Variants in GPHN observed in about 807,000 individuals in gnomAD.
GPHN encodes gephyrin.
GPHN carries 17 observed loss-of-function variants against 95.5 expected under a neutral mutation model. The observed-to-expected ratio is 0.18, with a 90% CI of 0.12 to 0.27. The LOEUF is 0.27. Ranked by LOEUF, GPHN falls within the 10% of genes least tolerant of loss-of-function variation. The pLI is 1.00. For synonymous variants in GPHN, 320 were observed against 322.5 expected, an observed-to-expected ratio of 0.99 and a Z score of 0.08; for missense variants, 660 against 978.1, an observed-to-expected ratio of 0.67 and a Z score of 4.34.
At chr14:66,666,412 T>C (rs1300307506) in intron 1 of GPHN, among the ~76,000 whole-genome samples, 1 of 147,058 alleles carries the variant, frequency 6.8e-6, no homozygotes, top group Non-Finnish European at 1.5e-5. Context: ...CATTTTTTAA[T>C]AAAAAAAAAA....
the GPHN span, among the ~76,000 whole-genome samples, chr14:67,631,901 G>T: frequency 0.016 from 2,403 of 152,186 alleles, 72 homozygotes; most frequent in African/African-American, 0.054. Context: ...TTGAGACAGG[G>T]TCTTGCTCTG....
intron 11 of GPHN, among the ~76,000 whole-genome samples, chr14:67,074,248 C>G (rs1295060649): frequency 6.6e-6 from 1 of 151,184 alleles, no homozygotes; most frequent in African/African-American, 2.4e-5. Flanking sequence ...AGTCTCTTGG[C>G]ACCATTTTTC....
At chr14:67,438,972 T>C in the GPHN span, among the ~76,000 whole-genome samples, 1 of 148,530 alleles carries the variant, frequency 6.7e-6, no homozygotes, top group African/African-American at 2.5e-5. Flanking sequence ...AAGGAGACCA[T>C]CCATCCATGA....
chr14:66,690,778 GT>G (rs929811314), intron 2 of GPHN, among the ~76,000 whole-genome samples: 10 of 151,906 alleles, frequency 6.6e-5, no homozygotes, highest in African/African-American at 2.2e-4. Context: ...TTTCTTTTTA[GT>G]TGTTTTTTGT....
chr14:66,881,452 T>C (rs945146328), intron 5 of GPHN, among the ~76,000 whole-genome samples: 2 of 151,882 alleles, frequency 1.3e-5, no homozygotes, highest in Non-Finnish European at 2.9e-5. Flanking sequence ...AGAATTAAAC[T>C]TCATTCTCTT....
the GPHN span, among the ~76,000 whole-genome samples, chr14:67,378,560 T>C: frequency 6.6e-6 from 1 of 152,216 alleles, no homozygotes; most frequent in Non-Finnish European, 1.5e-5. Context: ...GAGTTTGCAC[T>C]ATTAGCCATT....
chr14:67,100,334 C>T (rs1241696786), intron 12 of GPHN, among the ~76,000 whole-genome samples: 4 of 152,074 alleles, frequency 2.6e-5, no homozygotes, highest in African/African-American at 9.7e-5. Flanking sequence ...AATGTTCTTC[C>T]TATTTCACAT....
chr14:66,621,131 ATTT>A (rs149505173), intron 1 of GPHN, among the ~76,000 whole-genome samples: 20,222 of 141,282 alleles, frequency 0.14, 2,582 homozygotes, highest in East Asian at 0.44. Context: ...AGCCCAGCCA[ATTT>A]TTTTTTTTTT....
At chr14:67,193,332 A>G in the GPHN span, among the ~76,000 whole-genome samples, 2 of 138,522 alleles carry the variant, frequency 1.4e-5, no homozygotes, top group African/African-American at 5.2e-5. Flanking sequence ...ATATATCTCT[A>G]TATAGATATC....
In GPHN at chr14:67,107,498, G is replaced by C. The variant is rs80354210; in HGVS notation, c.1294-2642G>C. Among the ~76,000 whole-genome samples the C allele has an allele frequency of 2.3e-3, 354 of 152,288 alleles. 2 individuals are homozygous for C. In the East Asian group the frequency reaches 0.031, roughly 14 times the overall value. ...TTGTACCTGTGATTTTATACCTCAT[G>C]GGTAGGGTGTAGTACTGACCAAACT... On this transcript the variant is annotated intron_variant, in intron 13 of 22. Coordinates refer to ENST00000478722, the MANE Select transcript of GPHN (RefSeq NM_020806.5).
chr14:67,360,185 A>G, the GPHN span: 2 of 403,842 alleles, frequency 5.0e-6, no homozygotes. Context: ...TACTTAGCTA[A>G]AGCTAAGATA....
chr14:67,088,203 T>C (rs1450659088), intron 11 of GPHN, among the ~76,000 whole-genome samples: 1 of 152,116 alleles, frequency 6.6e-6, no homozygotes, highest in Non-Finnish European at 1.5e-5. Context: ...ACTTTAGGAT[T>C]AAAAAATGAT....
At chr14:67,202,802 T>C in the GPHN span, among the ~76,000 whole-genome samples, 1 of 152,218 alleles carries the variant, frequency 6.6e-6, no homozygotes, top group Non-Finnish European at 1.5e-5. Flanking sequence ...AGTCCTCTGT[T>C]ATGTGCTCCT....
chr14:67,165,334 T>C, intron 20 of GPHN, 108 bp downstream of exon 20: 1 of 729,252 alleles, frequency 1.4e-6, no homozygotes, highest in Non-Finnish European at 2.5e-6. Flanking sequence ...TGGGCTCAAG[T>C]CTCAGCTTTT....
chr14:67,653,852 A>G, the GPHN span, among the ~76,000 whole-genome samples: 1 of 152,240 alleles, frequency 6.6e-6, no homozygotes, highest in African/African-American at 2.4e-5. Flanking sequence ...TTCATCAGCC[A>G]AATTCCAGGA....
intron 9 of GPHN, among the ~76,000 whole-genome samples, chr14:66,992,560 G>T (rs2071507920): frequency 6.6e-6 from 1 of 152,126 alleles, no homozygotes; most frequent in African/African-American, 2.4e-5. Flanking sequence ...AATGAATTGG[G>T]TAACTGTGAT....
chr14:67,351,535 G>GTCT, the GPHN span, among the ~76,000 whole-genome samples: 1 of 152,088 alleles, frequency 6.6e-6, no homozygotes, highest in South Asian at 2.1e-4. Flanking sequence ...TTGAGACAAG[G>GTCT]TCTTACTTTG....
At chr14:67,587,539 A>G in the GPHN span, 1 of 396,952 alleles carries the variant, frequency 2.5e-6, no homozygotes, top group Non-Finnish European at 4.7e-6. Context: ...TGAGGGCATC[A>G]GTGCTATAAG....
At chr14:67,070,479 C>T (rs1480631633) in intron 11 of GPHN, among the ~76,000 whole-genome samples, 1 of 149,728 alleles carries the variant, frequency 6.7e-6, no homozygotes, top group Non-Finnish European at 1.5e-5. Flanking sequence ...GGGCGGGTCA[C>T]AAGGTCAGGA....
Sources: gnomAD v4.1 joint callset for allele counts (sites outside exome capture counted in the v4.1 genomes callset) on GRCh38, gnomAD v4.1.1 for gene constraint, MANE v1.5 for transcripts, NCBI Gene and HGNC (gene_info 2026-07-23, HGNC 2026-07-21) for gene names.